Variants in AFAP1L2 observed in about 807,000 individuals in gnomAD.
AFAP1L2 encodes actin filament-associated protein 1-like 2.
In AFAP1L2, 46 loss-of-function variants were observed where a neutral mutation model predicts 99.3. The ratio of observed to expected loss-of-function variants is 0.46; its 90% CI spans 0.37 to 0.59. The LOEUF is 0.59. AFAP1L2 is among the 20% of genes least tolerant of loss of function. The probability of loss-of-function intolerance (pLI) is 0.00; values close to 1 mark genes in which losing one functional copy is unlikely to be tolerated. For missense variants in AFAP1L2, 959 were observed against 1,034.9 expected (o/e 0.93, Z 1.01); for synonymous variants, 397 against 419.1 (o/e 0.95, Z 0.64).
intron 1 of AFAP1L2, among the ~76,000 whole-genome samples, chr10:114,344,768 A>G (rs2049272030): frequency 6.6e-6 from 1 of 152,238 alleles, no homozygotes; most frequent in African/African-American, 2.4e-5. Context: ...TGAGGAATGC[A>G]TAGGAGCTCA....
chr10:114,333,394 G>A, intron 2 of AFAP1L2, 99 bp from the exon 3 acceptor site: 2 of 891,548 alleles, frequency 2.2e-6, no homozygotes, highest in Admixed American at 4.0e-5. Context: ...CATCTGCCTA[G>A]GTTCCAGTAA....
intron 18 of AFAP1L2, 81 bp from the exon 19 acceptor site, chr10:114,296,149 T>G: frequency 6.3e-7 from 1 of 1,583,514 alleles, no homozygotes; most frequent in South Asian, 1.1e-5. Context: ...TTGATATACA[T>G]AGAAAAAATG....
At chr10:114,327,173 A>ATATATATATATATATTT (rs1491191152) in intron 4 of AFAP1L2, among the ~76,000 whole-genome samples, 16 of 18,692 alleles carry the variant, frequency 8.6e-4, no homozygotes, top group African/African-American at 1.8e-3. Context: ...ATATATATAT[A>ATATATATATATATATTT]TTTTTTTTTT....
At chr10:114,351,685 C>T (rs549831195) in intron 1 of AFAP1L2, among the ~76,000 whole-genome samples, 28 of 152,320 alleles carry the variant, frequency 1.8e-4, no homozygotes, top group Admixed American at 5.2e-4. Context: ...GGGCCACCCC[C>T]CTGCCCCAAG....
At chr10:114,392,145 G>A (rs933220987) in intron 1 of AFAP1L2, among the ~76,000 whole-genome samples, 1 of 152,210 alleles carries the variant, frequency 6.6e-6, no homozygotes, top group Non-Finnish European at 1.5e-5. Flanking sequence ...CAGCACTTTG[G>A]GAGGCTGAGG....
intron 1 of AFAP1L2, among the ~76,000 whole-genome samples, chr10:114,361,918 T>C (rs1370278725): frequency 6.6e-6 from 1 of 152,206 alleles, no homozygotes; most frequent in Non-Finnish European, 1.5e-5. Flanking sequence ...ATTTCTGGTA[T>C]TCTTCTGCGA....
At chr10:114,388,966 T>A (rs1258446309) in intron 1 of AFAP1L2, among the ~76,000 whole-genome samples, 1 of 152,138 alleles carries the variant, frequency 6.6e-6, no homozygotes, top group African/African-American at 2.4e-5. Flanking sequence ...ATAAGCAACA[T>A]CCAGGGCATG....
At position 114,316,016 on chromosome 10, in the gene AFAP1L2, T is replaced by C. The variant is rs531307213; in HGVS notation, c.407-251A>G. On this transcript the variant is annotated intron_variant, in intron 5 of 18. Transcript: ENST00000304129. ...ACAAATAACTGAAAACCAAAGTCTCTCCCTTTTCTTCCTCAAATCCTGTCA... is the reference window on the plus strand; with the variant it reads ...ACAAATAACTGAAAACCAAAGTCTCCCCCTTTTCTTCCTCAAATCCTGTCA... Among the ~76,000 whole-genome samples the C allele has an allele frequency of 3.9e-5, 6 of 152,316 alleles. No homozygotes were observed. In the South Asian group the frequency reaches 1.2e-3, roughly 32 times the overall value.
chr10:114,349,635 T>C (rs915895742), intron 1 of AFAP1L2, among the ~76,000 whole-genome samples: 1 of 151,738 alleles, frequency 6.6e-6, no homozygotes, highest in Non-Finnish European at 1.5e-5. Context: ...TACATATCAC[T>C]GTACTCAGTT....
chr10:114,285,999 G>C, the AFAP1L2 span: 1 of 1,613,860 alleles, frequency 6.2e-7, no homozygotes, highest in African/African-American at 1.3e-5. Flanking sequence ...AGCTCTGCGG[G>C]CACCACTCTG....
intron 2 of AFAP1L2, among the ~76,000 whole-genome samples, chr10:114,337,919 G>A (rs537540920): frequency 4.3e-4 from 65 of 152,240 alleles, no homozygotes; most frequent in Admixed American, 4.2e-3. Context: ...TTGTAATGTA[G>A]ATTTCCCATC....
chr10:114,335,448 TA>T (rs536329767), intron 2 of AFAP1L2, among the ~76,000 whole-genome samples: 96 of 151,810 alleles, frequency 6.3e-4, no homozygotes, highest in South Asian at 2.3e-3. Flanking sequence ...CCATCTCTAC[TA>T]AAAAATACAA....
intron 8 of AFAP1L2, among the ~76,000 whole-genome samples, 157 bp downstream of exon 8, chr10:114,310,197 G>C (rs2043011474): frequency 6.6e-6 from 1 of 152,216 alleles, no homozygotes; most frequent in African/African-American, 2.4e-5. Context: ...AAAGTGCTTG[G>C]CTTACAGGCG....
chr10:114,289,741 T>C, the AFAP1L2 span: 2 of 549,686 alleles, frequency 3.6e-6, no homozygotes, highest in East Asian at 6.3e-5. Context: ...ATTTATGCAT[T>C]CCCTTTAAAC....
chr10:114,298,605 C>T (rs954187799), intron 16 of AFAP1L2, among the ~76,000 whole-genome samples: 1 of 152,154 alleles, frequency 6.6e-6, no homozygotes, highest in Non-Finnish European at 1.5e-5. Flanking sequence ...AATCCCAGCA[C>T]TTTGGGAGGC....
At chr10:114,376,882 C>T (rs1205249428) in intron 1 of AFAP1L2, among the ~76,000 whole-genome samples, 4 of 152,144 alleles carry the variant, frequency 2.6e-5, no homozygotes, top group African/African-American at 9.7e-5. Context: ...GAAACCACTG[C>T]AGCTTTTGGG....
rs532086961 is a variant in AFAP1L2, at chr10:114,384,288, G to A, written c.16+20152C>T. Among the ~76,000 whole-genome samples, 15 of 152,004 alleles carry A rather than the reference G, an allele frequency of 9.9e-5. No individual in the cohort carries two copies. The East Asian group carries it at 1.4e-3, about 14-fold the overall frequency. Reference sequence around the variant, plus strand: ...GCTGCACCCTCCCCACGGCTGCTTGGCCTTCCTTGCTTCATCAATGGCATC... The same window carrying A: ...GCTGCACCCTCCCCACGGCTGCTTGACCTTCCTTGCTTCATCAATGGCATC... On this transcript the variant is annotated intron_variant, in intron 1 of 18. Coordinates refer to ENST00000304129, the MANE Select transcript of AFAP1L2 (RefSeq NM_001001936.3).
intron 7 of AFAP1L2, among the ~76,000 whole-genome samples, 166 bp from the exon 8 acceptor site, chr10:114,310,609 A>C (rs1041461791): frequency 2.0e-5 from 3 of 152,164 alleles, no homozygotes; most frequent in Non-Finnish European, 2.9e-5. Context: ...CAAGGCCTGC[A>C]TGTGGCCTCA....
At chr10:114,316,326 T>C (rs2044140477) in intron 5 of AFAP1L2, among the ~76,000 whole-genome samples, 1 of 152,202 alleles carries the variant, frequency 6.6e-6, no homozygotes, top group Non-Finnish European at 1.5e-5. Flanking sequence ...GAAGGGGCTG[T>C]GGCTCCTCAG....
Sources: gnomAD v4.1 joint callset for allele counts (sites outside exome capture counted in the v4.1 genomes callset) on GRCh38, gnomAD v4.1.1 for gene constraint, MANE v1.5 for transcripts, NCBI Gene and HGNC (gene_info 2026-07-23, HGNC 2026-07-21) for gene names.